MYOM3: variants seen among roughly 807,000 people sequenced by gnomAD.
MYOM3 encodes myomesin 3.
MYOM3 carries 155 observed loss-of-function variants against 191.7 expected under a neutral mutation model. That is an observed-to-expected ratio of 0.81 (90% CI 0.71 to 0.92). The LOEUF (loss-of-function observed/expected upper bound fraction) is 0.92. MYOM3 is among the 40% of genes least tolerant of loss of function. MYOM3 has a pLI of 0.00. For missense variants in MYOM3, 1,889 were observed against 1,890.6 expected, an observed-to-expected ratio of 1.00 and a Z score of 0.02; for synonymous variants, 757 against 762.9, an observed-to-expected ratio of 0.99 and a Z score of 0.13.
intron 17 of MYOM3, 157 bp downstream of exon 17, chr1:24,082,436 C>T (rs1003253948): frequency 2.1e-5 from 24 of 1,125,742 alleles, no homozygotes; most frequent in Non-Finnish European, 2.8e-5. Flanking sequence ...TTACTTCCTT[C>T]CCAAAGGAAA....
In MYOM3 at chr1:24,071,253, A is replaced by C. The variant is rs1248441229; in HGVS notation, c.3014T>G (p.Val1005Gly). 1 of 1,611,874 alleles carries C rather than the reference A, an allele frequency of 6.2e-7. No individual in the cohort carries two copies. Residue 1005 changes from valine to glycine, a missense_variant and splice_region_variant, in exon 25 of 37, where the codon GTG becomes GGG. By Grantham distance (109) the Val-to-Gly change is moderately radical. Coordinates refer to ENST00000374434, the MANE Select transcript of MYOM3 (RefSeq NM_152372.4). ...GTTCCAGCCGGAGATCAGTTTGATC[A>C]CTGGGAGGCGCAGGACGGGAAGGGG... ...KKLSHEIRNP[V>G]IKLISGWNID...
intron 9 of MYOM3, among the ~76,000 whole-genome samples, chr1:24,094,265 G>A (rs1643866923): frequency 6.6e-6 from 1 of 150,630 alleles, no homozygotes; most frequent in South Asian, 2.1e-4. Flanking sequence ...TCTGCCTCCT[G>A]GGTTCAAGCG....
At position 24,108,688 on chromosome 1, in the gene MYOM3, G is replaced by A. The variant is rs777640662; in HGVS notation, c.-18-34C>T. The A allele has an allele frequency of 6.1e-6, 9 of 1,473,924 alleles. No homozygotes were observed. In the Admixed American group the frequency reaches 1.3e-4, roughly 22 times the overall value. 91.3% of individuals were successfully genotyped at this position (1,473,924 alleles called of 1,614,324 possible). A position where few individuals can be genotyped will look rare whatever the true frequency, so the allele number is the denominator to read the frequency against. ...GCCAAGGTCCACGGTCATTCCACCA[G>A]GTGCCCGCCTATCCCCTCCCATGCA... On this transcript the variant is annotated intron_variant, in intron 1 of 36. Transcript: ENST00000374434.
chr1:24,089,857 G>A (rs1643793701), intron 13 of MYOM3, among the ~76,000 whole-genome samples, 192 bp from the exon 14 acceptor site: 1 of 152,166 alleles, frequency 6.6e-6, no homozygotes, highest in Admixed American at 6.5e-5. Context: ...GCTCTGGCCA[G>A]GACTTTTCCC....
intron 7 of MYOM3, among the ~76,000 whole-genome samples, 179 bp from the exon 8 acceptor site, chr1:24,095,665 A>G (rs1362068400): frequency 6.6e-6 from 1 of 152,132 alleles, no homozygotes; most frequent in African/African-American, 2.4e-5. Context: ...GTAAAATGGG[A>G]CAGTAATTCC....
chr1:24,105,906 C>G lies in MYOM3; in HGVS notation c.560+14G>C. The G allele has an allele frequency of 6.3e-7, 1 of 1,593,216 alleles. No homozygotes were observed. The highest frequency in any genetic ancestry group is 1.1e-5 in the South Asian group (1 of 87,754). ...CCCAGAGGCCCAGAACCCCTTCCTGCCCCAGCGGCTTACCAGGTGACCTGG... is the reference window on the plus strand; with the variant it reads ...CCCAGAGGCCCAGAACCCCTTCCTGGCCCAGCGGCTTACCAGGTGACCTGG... On this transcript the variant is annotated intron_variant, in intron 5 of 36. Transcript: ENST00000374434.
At chr1:24,059,712 G>T (rs1036480288) in intron 35 of MYOM3, among the ~76,000 whole-genome samples, 2 of 152,212 alleles carry the variant, frequency 1.3e-5, no homozygotes, top group African/African-American at 4.8e-5. Flanking sequence ...AAGCTTTTGG[G>T]ACACTTTGAA....
rs79576822 is a variant in MYOM3, at chr1:24,086,628, G to C, written c.1798+16C>G. On this transcript the variant is annotated intron_variant, in intron 15 of 36. Coordinates refer to ENST00000374434, the MANE Select transcript of MYOM3 (RefSeq NM_152372.4). The stretch of plus-strand genomic sequence containing the variant: ...CTGGCCTGCCTCCTCCCCGACCCCC[G>C]GCATCAGGAGGGTACCTGGCGGGCC... 1 of 1,610,060 alleles carries C rather than the reference G, an allele frequency of 6.2e-7. No individual in the cohort carries two copies. The highest frequency in any genetic ancestry group is 1.3e-5 in the African/African-American group (1 of 74,820).
At chr1:24,098,756 A>G (rs1459242093) in intron 6 of MYOM3, among the ~76,000 whole-genome samples, 1 of 151,976 alleles carries the variant, frequency 6.6e-6, no homozygotes, top group Non-Finnish European at 1.5e-5. Context: ...CACCTCCCTT[A>G]TATGGTCAGA....
intron 23 of MYOM3, among the ~76,000 whole-genome samples, chr1:24,073,887 T>TG: frequency 9.6e-6 from 1 of 104,256 alleles, no homozygotes; most frequent in Non-Finnish European, 2.0e-5. Context: ...AAAAAAAAGG[T>TG]GGGAAAATAA....
intron 17 of MYOM3, 49 bp downstream of exon 17, chr1:24,082,544 C>G (rs747201768): frequency 2.0e-6 from 3 of 1,519,564 alleles, no homozygotes; most frequent in Non-Finnish European, 2.6e-6. Flanking sequence ...GCCCCAGCTC[C>G]CTGCCCAGCC....
In MYOM3 at chr1:24,071,236, C is replaced by G. The variant is rs373707597; in HGVS notation, c.3031G>C (p.Gly1011Arg). The G allele has an allele frequency of 2.5e-6, 4 of 1,613,228 alleles. No individual in the cohort carries two copies. ...CGCTCCAGGATGTCAATGTTCCAGC[C>G]GGAGATCAGTTTGATCACTGGGAGG... ...IRNPVIKLISGWNIDILERGE... is the reference protein window; with the variant it reads ...IRNPVIKLISRWNIDILERGE... Residue 1011 changes from glycine to arginine, a missense_variant, in exon 25 of 37, where the codon GGC becomes CGC. By Grantham distance (125) the Gly-to-Arg change is moderately radical. Coordinates refer to ENST00000374434, the MANE Select transcript of MYOM3 (RefSeq NM_152372.4).
rs181916366 is a variant in MYOM3 at position 24,088,568 on chromosome 1, T to G, written c.1614+970A>C. 2.7e-3 allele frequency among the ~76,000 whole-genome samples: 410 copies of G among 152,250 alleles called. 1 individual carries two copies. The highest frequency in any genetic ancestry group is 6.8e-3 in the Middle Eastern group (2 of 294). ...ATACACTACCACCTTGTGAAACAAA[T>G]CCTCAATTATCTACAGCTTTCCTAT... On this transcript the variant is annotated intron_variant, in intron 14 of 36. Transcript: ENST00000374434.
intron 11 of MYOM3, among the ~76,000 whole-genome samples, chr1:24,091,900 C>T (rs192202871): frequency 2.1e-4 from 32 of 152,326 alleles, no homozygotes; most frequent in Non-Finnish European, 5.9e-5. Flanking sequence ...AAGCACTCCC[C>T]GTTTTGCCCC....
chr1:24,099,575 G>A lies in MYOM3; in HGVS notation c.656+105C>T, dbSNP rs1570884680. ...ACCAGCACCCTAGAGACTTCTGAAG[G>A]AGGTGAACTTGGGCCTCAGCTCCGA... On this transcript the variant is annotated intron_variant, in intron 6 of 36. Transcript: ENST00000374434. 3 of 851,238 alleles carry A rather than the reference G, an allele frequency of 3.5e-6. No homozygotes were observed. The East Asian group carries it at 7.4e-5, about 21-fold the overall frequency. The allele number at this position is 851,238 out of a possible 1,614,324, so 52.7% of individuals were successfully genotyped here. A position where few individuals can be genotyped will look rare whatever the true frequency, so the allele number is the denominator to read the frequency against.
At chr1:24,070,187 C>T (rs1643508212) in intron 25 of MYOM3, among the ~76,000 whole-genome samples, 1 of 152,114 alleles carries the variant, frequency 6.6e-6, no homozygotes, top group South Asian at 2.1e-4. Flanking sequence ...CTTAATTATG[C>T]TGCCCTGCTT....
In MYOM3 at chr1:24,057,548, A is replaced by G. The variant is rs200771508; in HGVS notation, c.4130T>C (p.Phe1377Ser). The change falls in exon 37 of 37, where the codon TTC (phenylalanine) becomes TCC (serine). Residue 1377 changes from phenylalanine to serine, a missense_variant. Coordinates refer to ENST00000374434, the MANE Select transcript of MYOM3 (RefSeq NM_152372.4). ...CACTTCCATGCGGTATCGGTCAAGG[A>G]AGGTGACAGGCTGGTCATTCTTCAG... ...SWLKNDQPVT[F>S]LDRYRMEVRG... 1.2e-5 allele frequency: 20 copies of G among 1,614,168 alleles called. No individual in the cohort carries two copies. In the Admixed American group the frequency reaches 3.3e-4, roughly 27 times the overall value.
At chr1:24,098,059 T>C in intron 6 of MYOM3, 48 bp from the exon 7 acceptor site, 1 of 1,249,256 alleles carries the variant, frequency 8.0e-7, no homozygotes, top group Non-Finnish European at 1.2e-6. Flanking sequence ...CTGGGCTCCA[T>C]GGGAAACACA....
Position 24,086,641 on chromosome 1 carries a change from T to C in MYOM3, c.1798+3A>G, listed in dbSNP as rs1422440503. ...TCCCCGACCCCCGGCATCAGGAGGG[T>C]ACCTGGCGGGCCCCGCAAGGCGATG... is the stretch of plus-strand genomic sequence containing the variant. On this transcript the variant is annotated splice_donor_region_variant and intron_variant, in intron 15 of 36. Coordinates refer to ENST00000374434, the MANE Select transcript of MYOM3 (RefSeq NM_152372.4). The C allele has an allele frequency of 6.2e-7, 1 of 1,612,752 alleles. No homozygotes were observed. Among genetic ancestry groups the C allele is most frequent in the Non-Finnish European group, 8.5e-7 (1 of 1,179,298 alleles).
Sources: gnomAD v4.1 joint callset for allele counts (sites outside exome capture counted in the v4.1 genomes callset) on GRCh38, gnomAD v4.1.1 for gene constraint, MANE v1.5 for transcripts, NCBI Gene and HGNC (gene_info 2026-07-23, HGNC 2026-07-21) for gene names.